Variants in COP1 observed in about 807,000 individuals in gnomAD.
The protein encoded by COP1 is E3 ubiquitin-protein ligase COP1.
In COP1, 24 loss-of-function variants were observed where a neutral mutation model predicts 101.3. That is an observed-to-expected ratio of 0.24 (90% CI 0.17 to 0.33). COP1 has a LOEUF of 0.33. Ranked by LOEUF, COP1 falls within the 10% of genes least tolerant of loss-of-function variation. The pLI is 1.00. For missense variants in COP1, 663 were observed against 906.2 expected (o/e 0.73, Z 3.45); for synonymous variants, 347 against 341.9 (o/e 1.01, Z -0.17).
At chr1:176,182,183 C>G (rs1697880021) in intron 2 of COP1, among the ~76,000 whole-genome samples, 1 of 152,064 alleles carries the variant, frequency 6.6e-6, no homozygotes, top group East Asian at 1.9e-4. Context: ...AATTAAAAAC[C>G]TCACTTCACA....
chr1:176,021,943 G>A (rs557952521), intron 15 of COP1, among the ~76,000 whole-genome samples: 1 of 152,164 alleles, frequency 6.6e-6, no homozygotes, highest in South Asian at 2.1e-4. Context: ...GTTAACTTTC[G>A]TGTTCACATC....
At chr1:176,125,105 T>G (rs904183062) in intron 8 of COP1, among the ~76,000 whole-genome samples, 316 of 14,356 alleles carry the variant, frequency 0.022, 1 homozygote, top group Non-Finnish European at 0.12. Context: ...GATTATTCGA[T>G]TTTTTTTTTC....
intron 6 of COP1, among the ~76,000 whole-genome samples, chr1:176,143,146 A>AGCG (rs1553286862): frequency 1.5e-5 from 1 of 66,572 alleles, no homozygotes; most frequent in African/African-American, 4.7e-5. Flanking sequence ...GAGCGAGAGA[A>AGCG]AGAGAGAGAG....
rs895686790 is a variant in COP1 at position 175,971,035 on chromosome 1, C to T, written c.2133+15908G>A. ...GAAATGAGGAGATGAAAAGCAGAAA[C>T]GAAAACAAAGATATATAGAAGACAT... On this transcript the variant is annotated intron_variant, in intron 18 of 19. Transcript: ENST00000367669. Among the ~76,000 whole-genome samples the T allele has an allele frequency of 1.7e-4, 26 of 152,048 alleles. No individual in the cohort carries two copies. The East Asian group carries it at 2.9e-3, about 17-fold the overall frequency.
chr1:175,972,473 T>C (rs1031402544), intron 18 of COP1, among the ~76,000 whole-genome samples: 1 of 150,544 alleles, frequency 6.6e-6, no homozygotes, highest in African/African-American at 2.4e-5. Flanking sequence ...TTTTTTTTTT[T>C]TTTTTTTTTT....
chr1:176,139,722 T>G (rs922138021), intron 6 of COP1, among the ~76,000 whole-genome samples: 11 of 152,066 alleles, frequency 7.2e-5, no homozygotes, highest in Non-Finnish European at 1.5e-5. Flanking sequence ...GAAAACCAAA[T>G]ACCACATGTT....
rs553448501 is a variant in COP1, at chr1:176,080,690, C to T, written c.1277+462G>A. On this transcript the variant is annotated intron_variant, in intron 11 of 19. Transcript: ENST00000367669. The stretch of plus-strand genomic sequence containing the variant: ...TGAGACGGACAAATGTCTTAAAAGA[C>T]ACAAACTAATTATAATGCTAAATCA... Among the ~76,000 whole-genome samples, 61 of 152,268 alleles carry T rather than the reference C, an allele frequency of 4.0e-4. No individual in the cohort carries two copies. In the South Asian group the frequency reaches 5.8e-3, roughly 14 times the overall value.
intron 14 of COP1, among the ~76,000 whole-genome samples, chr1:176,028,824 C>T (rs1269929451): frequency 6.7e-6 from 1 of 150,104 alleles, no homozygotes. Context: ...CACAATCATG[C>T]CTCACTTCAG....
At chr1:175,988,219 T>C in intron 17 of COP1, 69 bp downstream of exon 17, 1 of 1,448,196 alleles carries the variant, frequency 6.9e-7, no homozygotes, top group South Asian at 1.3e-5. Flanking sequence ...ATTTATTCTA[T>C]TTCCACTGAG....
intron 11 of COP1, among the ~76,000 whole-genome samples, chr1:176,068,965 T>A (rs1303842010): frequency 6.6e-6 from 1 of 152,042 alleles, no homozygotes; most frequent in Non-Finnish European, 1.5e-5. Context: ...GGCAGGTGGA[T>A]CAATGGGGGC....
At chr1:176,177,523 TG>T (rs570500583) in intron 2 of COP1, among the ~76,000 whole-genome samples, 229 of 152,234 alleles carry the variant, frequency 1.5e-3, no homozygotes, top group African/African-American at 5.2e-3. Flanking sequence ...TATTTGTTTC[TG>T]GGTCATATAA....
intron 11 of COP1, among the ~76,000 whole-genome samples, chr1:176,050,436 ATGG>A (rs1016857042): frequency 6.6e-6 from 1 of 152,242 alleles, no homozygotes; most frequent in African/African-American, 2.4e-5. Flanking sequence ...ATTAACAAAC[ATGG>A]TGGATTAGTG....
intron 15 of COP1, among the ~76,000 whole-genome samples, chr1:176,016,443 T>C (rs888011353): frequency 6.6e-6 from 1 of 152,162 alleles, no homozygotes; most frequent in Non-Finnish European, 1.5e-5. Context: ...TTGAATTTAG[T>C]GACATGAGGC....
chr1:176,097,244 A>C (rs917594000), intron 9 of COP1, among the ~76,000 whole-genome samples: 2 of 152,094 alleles, frequency 1.3e-5, no homozygotes, highest in African/African-American at 4.8e-5. Flanking sequence ...AAACGACTGA[A>C]TTATTTTTCT....
In COP1 at chr1:176,096,508, G is replaced by T. The variant is rs1234921238; in HGVS notation, c.1027-10618C>A. On this transcript the variant is annotated intron_variant, in intron 9 of 19. Coordinates refer to ENST00000367669, the MANE Select transcript of COP1 (RefSeq NM_022457.7). ...GTCCAGGCCCCAAGGCGGCCTCAGG[G>T]GCCTGGGCCCTGCATGGTTGACTGG... Among the ~76,000 whole-genome samples, 6 of 152,200 alleles carry T rather than the reference G, an allele frequency of 3.9e-5. No homozygotes were observed. The East Asian group carries it at 9.7e-4, about 24-fold the overall frequency.
At chr1:176,164,751 C>T (rs561904787) in intron 3 of COP1, among the ~76,000 whole-genome samples, 2 of 152,178 alleles carry the variant, frequency 1.3e-5, no homozygotes, top group South Asian at 2.1e-4. Flanking sequence ...TCCCGTGAAT[C>T]GATACATTTT....
At chr1:176,206,461 A>T in intron 1 of COP1, 111 bp downstream of exon 1, 1 of 1,254,230 alleles carries the variant, frequency 8.0e-7, no homozygotes, top group Non-Finnish European at 1.1e-6. Context: ...CCACAGCACC[A>T]GTATCCCAAG....
rs181179412 is a variant in COP1, at chr1:175,958,711, A to C, written c.2134-11472T>G. ...AGAAAAAAGAAACTGAAAAGACTTT[A>C]TGTTAATAAATTTTAATATTTAAGC... On this transcript the variant is annotated intron_variant, in intron 18 of 19. Transcript: ENST00000367669. 1.7e-3 allele frequency among the ~76,000 whole-genome samples: 262 copies of C among 152,138 alleles called. 1 individual carries two copies. Among genetic ancestry groups the C allele is most frequent in the African/African-American group, 6.0e-3 (251 of 41,578 alleles).
intron 8 of COP1, among the ~76,000 whole-genome samples, chr1:176,132,590 A>C (rs1039236207): frequency 7.2e-6 from 1 of 139,550 alleles, no homozygotes; most frequent in East Asian, 2.1e-4. Flanking sequence ...ATATACACAC[A>C]TATACACATA....
Sources: gnomAD v4.1 joint callset for allele counts (sites outside exome capture counted in the v4.1 genomes callset) on GRCh38, gnomAD v4.1.1 for gene constraint, MANE v1.5 for transcripts, NCBI Gene and HGNC (gene_info 2026-07-23, HGNC 2026-07-21) for gene names.